ZFPM2: variants seen among roughly 807,000 people sequenced by gnomAD.
ZFPM2 encodes zinc finger protein ZFPM2.
ZFPM2 carries 20 observed loss-of-function variants against 98.6 expected under a neutral mutation model. The ratio of observed to expected loss-of-function variants is 0.20; its 90% CI spans 0.14 to 0.29. The LOEUF (loss-of-function observed/expected upper bound fraction) is 0.29, where lower values mean the gene tolerates loss of function less well. Among genes scored for constraint, ZFPM2 ranks in the 10% least tolerant of loss-of-function variants. ZFPM2 has a pLI of 1.00. For synonymous variants in ZFPM2, 518 were observed against 502.7 expected, an observed-to-expected ratio of 1.03 and a Z score of -0.41; for missense variants, 1,310 against 1,388.6, an observed-to-expected ratio of 0.94 and a Z score of 0.90.
At chr8:105,686,517 G>A (rs1387126862) in intron 5 of ZFPM2, among the ~76,000 whole-genome samples, 2 of 151,944 alleles carry the variant, frequency 1.3e-5, no homozygotes, top group Non-Finnish European at 2.9e-5. Flanking sequence ...CATTTCTTCC[G>A]AGTTGACAAC....
intron 3 of ZFPM2, among the ~76,000 whole-genome samples, chr8:105,518,478 T>G (rs912810807): frequency 1.3e-5 from 2 of 152,220 alleles, no homozygotes; most frequent in Non-Finnish European, 2.9e-5. Context: ...AACATTTTTA[T>G]AGTTTTACAC....
intron 4 of ZFPM2, among the ~76,000 whole-genome samples, chr8:105,610,996 A>C (rs1234286056): frequency 6.6e-6 from 1 of 152,242 alleles, no homozygotes; most frequent in African/African-American, 2.4e-5. Context: ...TCTTAGGAGC[A>C]TAGTTCATTG....
chr8:105,382,492 C>G (rs1443232184), intron 1 of ZFPM2, among the ~76,000 whole-genome samples: 1 of 151,652 alleles, frequency 6.6e-6, no homozygotes, highest in African/African-American at 2.4e-5. Flanking sequence ...AAAAGTTTAC[C>G]TTCATTGAGA....
chr8:105,642,673 G>A (rs1322209426), intron 5 of ZFPM2, among the ~76,000 whole-genome samples: 2 of 152,050 alleles, frequency 1.3e-5, no homozygotes, highest in African/African-American at 2.4e-5. Flanking sequence ...CTCTGCCCAC[G>A]ATATGGCCCA....
chr8:105,627,740 A>G (rs886911140), intron 4 of ZFPM2, among the ~76,000 whole-genome samples: 1 of 152,214 alleles, frequency 6.6e-6, no homozygotes, highest in Non-Finnish European at 1.5e-5. Flanking sequence ...CAGCAAAAGC[A>G]AGGCATAATG....
At chr8:105,375,957 T>C (rs968521393) in intron 1 of ZFPM2, among the ~76,000 whole-genome samples, 2 of 152,176 alleles carry the variant, frequency 1.3e-5, no homozygotes, top group African/African-American at 4.8e-5. Context: ...TAACCCCATA[T>C]ACCACCCCAC....
intron 4 of ZFPM2, among the ~76,000 whole-genome samples, chr8:105,586,228 C>T (rs909985816): frequency 4.6e-5 from 7 of 152,068 alleles, no homozygotes; most frequent in Non-Finnish European, 7.4e-5. Flanking sequence ...TAGTTTACTT[C>T]AAGGTATACT....
At chr8:105,746,015 TC>T (rs1417090197) in intron 5 of ZFPM2, among the ~76,000 whole-genome samples, 32 of 152,096 alleles carry the variant, frequency 2.1e-4, no homozygotes, top group African/African-American at 7.7e-4. Context: ...CAATTGATCC[TC>T]CTGCCTCAGC....
chr8:105,326,321 A>G (rs566171194), intron 1 of ZFPM2, among the ~76,000 whole-genome samples: 1 of 151,854 alleles, frequency 6.6e-6, no homozygotes, highest in East Asian at 1.9e-4. Flanking sequence ...AGATCATTGG[A>G]AATTAGTCTT....
chr8:105,657,172 T>A (rs1817302350), intron 5 of ZFPM2, among the ~76,000 whole-genome samples: 1 of 152,116 alleles, frequency 6.6e-6, no homozygotes, highest in South Asian at 2.1e-4. Flanking sequence ...GGAGTCTCAC[T>A]CTGTCACCCA....
At chr8:105,557,546 C>G (rs1418916106) in intron 3 of ZFPM2, among the ~76,000 whole-genome samples, 1 of 152,152 alleles carries the variant, frequency 6.6e-6, no homozygotes, top group African/African-American at 2.4e-5. Flanking sequence ...GCCCTAAGTT[C>G]TAAAATCTGA....
Position 105,794,814 on chromosome 8 carries a change from G to A in ZFPM2, c.740-3910G>A, listed in dbSNP as rs554434514. On this transcript the variant is annotated intron_variant, in intron 6 of 7. Coordinates refer to ENST00000407775, the MANE Select transcript of ZFPM2 (RefSeq NM_012082.4). ...GCGCCCCTCCCCCAGCCTCGCTGCC[G>A]CCTTGCAGTTTGATCTCAGACTGCT... Among the ~76,000 whole-genome samples the A allele has an allele frequency of 2.7e-3, 417 of 152,268 alleles. 2 individuals carry two copies. Among genetic ancestry groups the A allele is most frequent in the African/African-American group, 8.5e-3 (353 of 41,576 alleles).
intron 2 of ZFPM2, among the ~76,000 whole-genome samples, chr8:105,421,872 C>A (rs1487888429): frequency 1.4e-4 from 21 of 149,782 alleles, no homozygotes; most frequent in Non-Finnish European, 2.7e-4. Context: ...CACGGCGAAA[C>A]CCTGTCTCTG....
chr8:105,562,160 A>C (rs1815152194), intron 4 of ZFPM2, among the ~76,000 whole-genome samples: 2 of 151,838 alleles, frequency 1.3e-5, no homozygotes, highest in African/African-American at 2.4e-5. Flanking sequence ...ACAAAAAAAA[A>C]TTAGCCAGAC....
chr8:105,728,934 G>A (rs1174201759), intron 5 of ZFPM2, among the ~76,000 whole-genome samples: 1 of 151,654 alleles, frequency 6.6e-6, no homozygotes, highest in Admixed American at 6.6e-5. Context: ...CATTTAATTT[G>A]CAGAACTGTG....
At chr8:105,432,430 C>A (rs1275823952) in intron 2 of ZFPM2, among the ~76,000 whole-genome samples, 3 of 152,140 alleles carry the variant, frequency 2.0e-5, no homozygotes, top group Non-Finnish European at 4.4e-5. Flanking sequence ...ACTTCTCCAG[C>A]CTTAGCATTT....
intron 3 of ZFPM2, among the ~76,000 whole-genome samples, chr8:105,452,387 T>TA (rs1288731565): frequency 6.6e-6 from 1 of 152,132 alleles, no homozygotes; most frequent in Non-Finnish European, 1.5e-5. Flanking sequence ...AGAAAGACAC[T>TA]ACGAGTCAGT....
intron 3 of ZFPM2, among the ~76,000 whole-genome samples, chr8:105,474,226 G>A (rs1400802481): frequency 1.3e-5 from 2 of 152,160 alleles, no homozygotes; most frequent in Non-Finnish European, 2.9e-5. Flanking sequence ...AAACTCCCAT[G>A]CCAGGGGAAA....
intron 5 of ZFPM2, among the ~76,000 whole-genome samples, chr8:105,712,154 TG>T (rs796369207): frequency 2.1e-4 from 32 of 151,736 alleles, no homozygotes; most frequent in African/African-American, 7.7e-4. Flanking sequence ...AAGATGTTGT[TG>T]AAACAAAAAA....
Sources: allele counts gnomAD v4.1 joint callset (sites outside exome capture counted in the v4.1 genomes callset), GRCh38; gene constraint gnomAD v4.1.1; transcripts MANE v1.5; gene names NCBI Gene and HGNC (gene_info 2026-07-23, HGNC 2026-07-21).